Variants in WDFY3 observed in about 807,000 individuals in gnomAD.
WDFY3 encodes WD repeat and FYVE domain-containing protein 3.
Under a neutral mutation model 409.6 loss-of-function variants are expected in WDFY3, and 66 were observed. The ratio of observed to expected loss-of-function variants is 0.16; its 90% CI spans 0.13 to 0.20. WDFY3 has a LOEUF of 0.20. WDFY3 is among the 10% of genes least tolerant of loss of function. The pLI is 1.00. For missense variants in WDFY3, 3,031 were observed against 4,298.1 expected, an observed-to-expected ratio of 0.71 and a Z score of 8.24; for synonymous variants, 1,521 against 1,537.1, an observed-to-expected ratio of 0.99 and a Z score of 0.25.
chr4:84,910,147 ATT>A (rs937475542), intron 2 of WDFY3, among the ~76,000 whole-genome samples: 6 of 152,174 alleles, frequency 3.9e-5, no homozygotes, highest in Non-Finnish European at 8.8e-5. Flanking sequence ...AATAACAACT[ATT>A]TATATAACAT....
At chr4:84,926,041 G>T (rs1411273052) in intron 2 of WDFY3, among the ~76,000 whole-genome samples, 1 of 149,960 alleles carries the variant, frequency 6.7e-6, no homozygotes, top group African/African-American at 2.4e-5. Context: ...CTTTGAAATG[G>T]AGTCTCTCTC....
intron 44 of WDFY3, among the ~76,000 whole-genome samples, chr4:84,727,883 A>AC (rs1735924531): frequency 2.0e-5 from 3 of 152,190 alleles, no homozygotes; most frequent in Admixed American, 1.3e-4. Context: ...TATATCTTAT[A>AC]TTGAAAAATA....
chr4:84,942,756 GTTCT>G (rs1772304457), intron 1 of WDFY3, among the ~76,000 whole-genome samples: 1 of 152,114 alleles, frequency 6.6e-6, no homozygotes, highest in Admixed American at 6.5e-5. Context: ...TTTCGACAGG[GTTCT>G]TTGTCTTCTT....
chr4:84,730,987 G>A (rs1250408535), intron 44 of WDFY3, among the ~76,000 whole-genome samples: 1 of 152,082 alleles, frequency 6.6e-6, no homozygotes, highest in African/African-American at 2.4e-5. Flanking sequence ...AGTAGAGACA[G>A]GGTTTCTCCA....
At chr4:84,893,179 T>C (rs1397230577) in intron 3 of WDFY3, among the ~76,000 whole-genome samples, 1 of 152,196 alleles carries the variant, frequency 6.6e-6, no homozygotes. Flanking sequence ...GATGGCTCTA[T>C]ATACTACCTC....
chr4:84,941,823 C>G (rs976472053), intron 1 of WDFY3, among the ~76,000 whole-genome samples: 1 of 151,882 alleles, frequency 6.6e-6, no homozygotes, highest in African/African-American at 2.4e-5. Flanking sequence ...GTAAAAGCAC[C>G]TAGATCAATG....
chr4:84,745,814 T>C (rs1371457374), intron 36 of WDFY3, among the ~76,000 whole-genome samples: 1 of 152,138 alleles, frequency 6.6e-6, no homozygotes, highest in African/African-American at 2.4e-5. Flanking sequence ...TGTCTAGTCC[T>C]TTCAAGCCGA....
Position 84,911,579 on chromosome 4 carries a change from T to G in WDFY3, c.-131-14569A>C, listed in dbSNP as rs1427985784. ...ACTTGACCCTTAACCAACACAGGTT[T>G]AAACTATTTGGGTCCAGTTATATGT... is the stretch of plus-strand genomic sequence containing the variant. On this transcript the variant is annotated intron_variant, in intron 2 of 67. Transcript: ENST00000295888. Among the ~76,000 whole-genome samples, 3 of 152,198 alleles carry G rather than the reference T, an allele frequency of 2.0e-5. 1 individual carries two copies. The South Asian group carries it at 6.2e-4, about 31-fold the overall frequency.
At chr4:84,918,364 C>G (rs1490373329) in intron 2 of WDFY3, among the ~76,000 whole-genome samples, 1 of 152,108 alleles carries the variant, frequency 6.6e-6, no homozygotes, top group Non-Finnish European at 1.5e-5. Flanking sequence ...ATGACGACCT[C>G]TATGAACTGA....
Position 84,772,881 on chromosome 4 carries a change from C to G in WDFY3, c.4803G>C (p.Glu1601Asp). 1 of 1,610,956 alleles carries G rather than the reference C, an allele frequency of 6.2e-7. No homozygotes were observed. Among genetic ancestry groups the G allele is most frequent in the Non-Finnish European group, 8.5e-7 (1 of 1,178,814 alleles). ...SSTLPTFAVC[E>D]KFVVMEINNE... is the part of the protein sequence containing the mutation. ...TATTTATTTCCATTACTACAAATTT[C>G]TCACAAACCGCAAAGGTTGGCAAAG... Residue 1601 changes from glutamate (E) to aspartate (D), a missense_variant, in exon 30 of 68, where the codon GAG (glutamate) becomes GAC (aspartate). Coordinates refer to ENST00000295888, the MANE Select transcript of WDFY3 (RefSeq NM_014991.6).
chr4:84,822,828 T>C (rs1754280531), intron 10 of WDFY3, among the ~76,000 whole-genome samples: 1 of 152,220 alleles, frequency 6.6e-6, no homozygotes. Flanking sequence ...AATTCTCTAA[T>C]TTCTTGTTTA....
intron 1 of WDFY3, among the ~76,000 whole-genome samples, chr4:84,945,923 A>G (rs1246034520): frequency 2.0e-5 from 3 of 152,168 alleles, no homozygotes; most frequent in South Asian, 2.1e-4. Flanking sequence ...TAAAAAAACA[A>G]GCAAAAATGG....
At position 84,817,374 on chromosome 4, in the gene WDFY3, C is replaced by T. The variant is rs1578659049; in HGVS notation, c.1887+18G>A. 6.2e-7 allele frequency: 1 copy of T among 1,612,046 alleles called. No homozygotes were observed. The highest frequency in any genetic ancestry group is 2.2e-5 in the East Asian group (1 of 44,794). ...GATTTTAGTAGTAAAAGAAGGGAAA[C>T]ACATTTATCAAACTTACCCTTAAAA... On this transcript the variant is annotated intron_variant, in intron 13 of 67. Coordinates refer to ENST00000295888, the MANE Select transcript of WDFY3 (RefSeq NM_014991.6).
intron 1 of WDFY3, among the ~76,000 whole-genome samples, chr4:84,961,328 T>C (rs1377918403): frequency 4.6e-5 from 7 of 151,972 alleles, no homozygotes; most frequent in Admixed American, 2.0e-4. Context: ...CAGAACTTGG[T>C]GAAATCCCAT....
intron 5 of WDFY3, chr4:84,844,337 C>A: frequency 1.5e-6 from 1 of 687,256 alleles, no homozygotes; most frequent in South Asian, 1.7e-5. Context: ...GCCCTAAACA[C>A]CCTTGCCCCC....
chr4:84,682,216 T>C (rs973942885), intron 64 of WDFY3, among the ~76,000 whole-genome samples, 158 bp downstream of exon 64: 3 of 152,342 alleles, frequency 2.0e-5, no homozygotes, highest in African/African-American at 4.8e-5. Context: ...AAACCTTGCA[T>C]GTCTGCTCAA....
Position 84,870,405 on chromosome 4 carries a change from G to C in WDFY3, c.-31-9783C>G, listed in dbSNP as rs919323379. Among the ~76,000 whole-genome samples the C allele has an allele frequency of 2.0e-5, 3 of 152,158 alleles. No homozygotes were observed. In the East Asian group the frequency reaches 5.8e-4, roughly 29 times the overall value. On this transcript the variant is annotated intron_variant, in intron 3 of 67. Coordinates refer to ENST00000295888, the MANE Select transcript of WDFY3 (RefSeq NM_014991.6). ...CCTACCTGGATAAGAAGTCTCTGCA[G>C]CCATGAACTGGTAGGAACACCTCAA...
chr4:84,736,994 T>TAAAA (rs200364139), intron 41 of WDFY3, among the ~76,000 whole-genome samples, 190 bp downstream of exon 41: 1 of 114,550 alleles, frequency 8.7e-6, no homozygotes, highest in Non-Finnish European at 1.9e-5. Flanking sequence ...CCTCAGATGC[T>TAAAA]AAAAAAAAAA....
At chr4:84,704,565 G>A in intron 54 of WDFY3, 121 bp from the exon 55 acceptor site, 1 of 664,886 alleles carries the variant, frequency 1.5e-6, no homozygotes, top group East Asian at 3.1e-5. Context: ...AATGCAATTA[G>A]TACTGGCATT....
Sources: gnomAD v4.1 joint callset for allele counts (sites outside exome capture counted in the v4.1 genomes callset) on GRCh38, gnomAD v4.1.1 for gene constraint, MANE v1.5 for transcripts, NCBI Gene and HGNC (gene_info 2026-07-23, HGNC 2026-07-21) for gene names.